The following NOX4 variants were observed in gnomAD, a reference collection of about 807,000 sequenced individuals.
NOX4 encodes NADPH oxidase 4, also known as kidney oxidase-1.
A neutral mutation model predicts 87.6 loss-of-function variants in NOX4; 69 were observed. The ratio of observed to expected loss-of-function variants is 0.79; its 90% CI spans 0.65 to 0.96. The LOEUF (loss-of-function observed/expected upper bound fraction) is 0.96. Among genes scored for constraint, NOX4 ranks in the 40% least tolerant of loss-of-function variants. The pLI, the probability that NOX4 is intolerant of heterozygous loss-of-function variation, is 0.00. For synonymous variants in NOX4, 275 were observed against 238.2 expected, an observed-to-expected ratio of 1.15 and a Z score of -1.42; for missense variants, 680 against 681.5, an observed-to-expected ratio of 1.00 and a Z score of 0.02.
chr11:89,330,619 TA>T (rs1945428477), intron 17 of NOX4, among the ~76,000 whole-genome samples: 1 of 121,204 alleles, frequency 8.3e-6, no homozygotes, highest in African/African-American at 3.1e-5. Flanking sequence ...CTAAAGCAAT[TA>T]CTAAAAAGAA....
intron 2 of NOX4, among the ~76,000 whole-genome samples, chr11:89,456,026 A>G (rs933377441): frequency 6.6e-6 from 1 of 152,224 alleles, no homozygotes. Context: ...AGGCAACTAT[A>G]GTTAACAATA....
In NOX4 at chr11:89,432,539, C is replaced by T. The variant is rs567840962; in HGVS notation, c.548+245G>A. ...CAAAAGATACTCAAATTCTGAAGAA[C>T]TCTAATTCTTTTGATCATCAAATGC... is the stretch of plus-strand genomic sequence containing the variant. On this transcript the variant is annotated intron_variant, in intron 7 of 17. Transcript: ENST00000263317. 2.8e-4 allele frequency among the ~76,000 whole-genome samples: 43 copies of T among 152,110 alleles called. 1 individual carries two copies. In the South Asian group the frequency reaches 8.9e-3, roughly 32 times the overall value.
At chr11:89,511,291 A>T in the NOX4 span, among the ~76,000 whole-genome samples, 1 of 152,014 alleles carries the variant, frequency 6.6e-6, no homozygotes, top group South Asian at 2.1e-4. Flanking sequence ...GGGACATACA[A>T]TACATTATTA....
chr11:89,409,069 A>C (rs536998419), intron 8 of NOX4, among the ~76,000 whole-genome samples: 4 of 151,774 alleles, frequency 2.6e-5, no homozygotes, highest in Non-Finnish European at 5.9e-5. Flanking sequence ...ACGGGTATAA[A>C]AAGGGAAGAG....
chr11:89,542,780 A>C, the NOX4 span, among the ~76,000 whole-genome samples: 1 of 152,264 alleles, frequency 6.6e-6, no homozygotes, highest in East Asian at 1.9e-4. Context: ...GTTGAGGCAA[A>C]ATAAAAGCAT....
At chr11:89,462,542 A>G (rs1161945419) in intron 2 of NOX4, among the ~76,000 whole-genome samples, 1 of 152,112 alleles carries the variant, frequency 6.6e-6, no homozygotes, top group Non-Finnish European at 1.5e-5. Context: ...ACAAAGACCC[A>G]TAAACAACTA....
intron 7 of NOX4, among the ~76,000 whole-genome samples, chr11:89,427,699 C>T (rs560721116): frequency 6.6e-6 from 1 of 152,200 alleles, no homozygotes; most frequent in South Asian, 2.1e-4. Context: ...AACAAAGCCT[C>T]CAAGAATTAT....
At chr11:89,491,542 G>C, upstream of NOX4, 1 of 414,466 alleles carries the variant, frequency 2.4e-6, no homozygotes, top group South Asian at 4.8e-5. Flanking sequence ...AGTCTGCTCC[G>C]CCGCGCCGGC....
Position 89,326,739 on chromosome 11 carries a change from C to A in NOX4, c.*17G>T. The A allele has an allele frequency of 6.2e-7, 1 of 1,611,054 alleles. No homozygotes were observed. Among genetic ancestry groups the A allele is most frequent in the Non-Finnish European group, 8.5e-7 (1 of 1,178,348 alleles). ...CACTCATTCCTTCTTTAGAGTCCTG[C>A]TTCATGGCAAAAGTTTTCAGCTGAA... On this transcript the variant is annotated 3_prime_UTR_variant, in exon 18 of 18. Coordinates refer to ENST00000263317, the MANE Select transcript of NOX4 (RefSeq NM_016931.5).
At chr11:89,438,832 A>G (rs1944278114) in intron 6 of NOX4, among the ~76,000 whole-genome samples, 1 of 40,368 alleles carries the variant, frequency 2.5e-5, no homozygotes, top group African/African-American at 2.2e-4. Context: ...ATAATATCTT[A>G]TATATTATAT....
chr11:89,399,897 C>A, intron 11 of NOX4, 120 bp downstream of exon 11: 1 of 603,934 alleles, frequency 1.7e-6, no homozygotes, highest in Non-Finnish European at 2.9e-6. Flanking sequence ...AGATAGCTTA[C>A]TTAAACATCA....
At chr11:89,378,049 C>T (rs1465418857) in intron 11 of NOX4, among the ~76,000 whole-genome samples, 3 of 152,154 alleles carry the variant, frequency 2.0e-5, no homozygotes, top group Non-Finnish European at 4.4e-5. Flanking sequence ...ATTCAATCAC[C>T]TTTCATTTCT....
At chr11:89,387,714 T>C (rs138914967) in intron 11 of NOX4, among the ~76,000 whole-genome samples, 16 of 152,316 alleles carry the variant, frequency 1.1e-4, no homozygotes, top group African/African-American at 3.6e-4. Context: ...CAGCTAAATA[T>C]GAAAAGATGC....
chr11:89,405,491 C>T (rs1463786991), intron 8 of NOX4, among the ~76,000 whole-genome samples: 1 of 151,590 alleles, frequency 6.6e-6, no homozygotes, highest in African/African-American at 2.4e-5. Flanking sequence ...GTAATAAAAA[C>T]AATATGGTAT....
chr11:89,548,579 T>A, the NOX4 span: 7 of 152,200 alleles, frequency 4.6e-5, no homozygotes, highest in Non-Finnish European at 1.0e-4. Flanking sequence ...GAAGGTGTAC[T>A]GGGACCCTCA....
chr11:89,408,879 C>T (rs1485830994), intron 8 of NOX4, among the ~76,000 whole-genome samples: 1 of 152,054 alleles, frequency 6.6e-6, no homozygotes, highest in East Asian at 1.9e-4. Flanking sequence ...TGCAGTGGGC[C>T]CTGCAAATTA....
the NOX4 span, among the ~76,000 whole-genome samples, chr11:89,524,634 G>A: frequency 2.0e-5 from 3 of 151,906 alleles, no homozygotes; most frequent in South Asian, 6.2e-4. Context: ...ATTCACTAAT[G>A]CAACCACCAT....
upstream of NOX4, among the ~76,000 whole-genome samples, chr11:89,498,399 T>C (rs916508671): frequency 1.3e-5 from 2 of 152,174 alleles, no homozygotes; most frequent in African/African-American, 4.8e-5. Flanking sequence ...CAACCCAACG[T>C]CAATCCAAAT....
At chr11:89,557,207 C>T in the NOX4 span, 1 of 152,064 alleles carries the variant, frequency 6.6e-6, no homozygotes, top group Non-Finnish European at 1.5e-5. Context: ...GAAAAAAAAT[C>T]CCAAACTGTG....
Sources: allele counts gnomAD v4.1 joint callset (sites outside exome capture counted in the v4.1 genomes callset), GRCh38; gene constraint gnomAD v4.1.1; transcripts MANE v1.5; gene names NCBI Gene and HGNC (gene_info 2026-07-23, HGNC 2026-07-21).